AGBL4: variants seen among roughly 807,000 people sequenced by gnomAD.
AGBL4 encodes cytosolic carboxypeptidase 6.
AGBL4 carries 58 observed loss-of-function variants against 66.4 expected under a neutral mutation model. The observed-to-expected ratio is 0.87, with a 90% CI of 0.71 to 1.09. The LOEUF is 1.09. AGBL4 is among the 50% of genes least tolerant of loss of function. The pLI is 0.00. For missense variants in AGBL4, 579 were observed against 631.0 expected (o/e 0.92, Z 0.88); for synonymous variants, 234 against 222.9 (o/e 1.05, Z -0.44).
intron 2 of AGBL4, among the ~76,000 whole-genome samples, chr1:49,829,785 C>G (rs1380253419): frequency 6.6e-6 from 1 of 152,116 alleles, no homozygotes; most frequent in African/African-American, 2.4e-5. Flanking sequence ...ACCCCCTCAA[C>G]AGGCCCTGGT....
chr1:49,391,165 A>G (rs1644838061), intron 3 of AGBL4, among the ~76,000 whole-genome samples: 1 of 152,182 alleles, frequency 6.6e-6, no homozygotes, highest in Non-Finnish European at 1.5e-5. Flanking sequence ...GTAGCATACA[A>G]TCAGCGTGAG....
chr1:49,941,874 T>A (rs1044697345), intron 1 of AGBL4, among the ~76,000 whole-genome samples: 1 of 152,026 alleles, frequency 6.6e-6, no homozygotes, highest in Non-Finnish European at 1.5e-5. Flanking sequence ...GTACTGACAG[T>A]ACAAGCCAGA....
At chr1:49,601,215 A>G (rs1644952331) in intron 3 of AGBL4, among the ~76,000 whole-genome samples, 1 of 152,144 alleles carries the variant, frequency 6.6e-6, no homozygotes. Flanking sequence ...AATATCTTTA[A>G]GAGTATTTTC....
chr1:48,716,593 T>C (rs1647054472), intron 6 of AGBL4, among the ~76,000 whole-genome samples: 1 of 152,148 alleles, frequency 6.6e-6, no homozygotes, highest in Non-Finnish European at 1.5e-5. Flanking sequence ...ATCGTGCCCA[T>C]GGGGCTGAAG....
chr1:50,001,847 T>C (rs1425331512), intron 1 of AGBL4, among the ~76,000 whole-genome samples: 3 of 152,208 alleles, frequency 2.0e-5, no homozygotes, highest in Non-Finnish European at 4.4e-5. Context: ...TCTAATTCTT[T>C]ATTATCTTCA....
chr1:49,620,872 T>TC (rs1248838425), intron 3 of AGBL4, among the ~76,000 whole-genome samples: 2 of 152,156 alleles, frequency 1.3e-5, no homozygotes, highest in Non-Finnish European at 2.9e-5. Context: ...CCTTTTTTTT[T>TC]TCAAAATTAC....
In AGBL4 at chr1:49,010,843, C is replaced by G. The variant is rs922650669; in HGVS notation, c.594+34741G>C. On this transcript the variant is annotated intron_variant, in intron 5 of 13. Transcript: ENST00000371839. ...GCTAGCCATATGTAGAAAGCTGAAA[C>G]TGGATCCCTTCCTTACACCTTATAC... Among the ~76,000 whole-genome samples, 14 of 151,562 alleles carry G rather than the reference C, an allele frequency of 9.2e-5. No individual in the cohort carries two copies. In the East Asian group the frequency reaches 2.7e-3, roughly 29 times the overall value.
chr1:48,555,724 C>T (rs1476954786), intron 11 of AGBL4, among the ~76,000 whole-genome samples: 2 of 152,128 alleles, frequency 1.3e-5, no homozygotes, highest in Admixed American at 6.5e-5. Context: ...ACCCAGACTG[C>T]AGACAGGAAG....
intron 3 of AGBL4, among the ~76,000 whole-genome samples, chr1:49,541,199 G>A (rs752377254): frequency 1.7e-4 from 26 of 152,122 alleles, no homozygotes; most frequent in Non-Finnish European, 2.4e-4. Flanking sequence ...ACTCACTCTC[G>A]GCACCTCCTC....
chr1:49,466,262 A>C (rs1646628958), intron 3 of AGBL4, among the ~76,000 whole-genome samples: 1 of 151,928 alleles, frequency 6.6e-6, no homozygotes, highest in African/African-American at 2.4e-5. Flanking sequence ...TTCCCCAAAA[A>C]TAAGCTACTA....
chr1:49,462,814 C>T (rs1039062790), intron 3 of AGBL4, among the ~76,000 whole-genome samples: 1 of 151,586 alleles, frequency 6.6e-6, no homozygotes, highest in Admixed American at 6.6e-5. Context: ...AATTTTTGTG[C>T]TGCTTTTCAT....
chr1:49,926,067 G>A (rs748704713), intron 1 of AGBL4, among the ~76,000 whole-genome samples: 4 of 152,146 alleles, frequency 2.6e-5, no homozygotes, highest in Non-Finnish European at 4.4e-5. Flanking sequence ...AGTTGACCTC[G>A]AGCAAGACTC....
At chr1:48,704,741 T>A (rs1049192074) in intron 6 of AGBL4, among the ~76,000 whole-genome samples, 2 of 152,198 alleles carry the variant, frequency 1.3e-5, no homozygotes. Context: ...ATGATAACAA[T>A]GCCTTCTGGA....
chr1:50,021,372 A>G (rs773436291), intron 1 of AGBL4, among the ~76,000 whole-genome samples: 1 of 152,118 alleles, frequency 6.6e-6, no homozygotes, highest in South Asian at 2.1e-4. Context: ...GCCAGTTTAC[A>G]CTTTTCTTGT....
At chr1:48,988,318 AG>A (rs959685590) in intron 5 of AGBL4, among the ~76,000 whole-genome samples, 1 of 152,064 alleles carries the variant, frequency 6.6e-6, no homozygotes, top group African/African-American at 2.4e-5. Context: ...TTCACTGAAT[AG>A]GGGGGGCTTC....
intron 3 of AGBL4, among the ~76,000 whole-genome samples, chr1:49,611,761 A>G (rs1396002838): frequency 6.6e-6 from 1 of 152,190 alleles, no homozygotes; most frequent in Non-Finnish European, 1.5e-5. Context: ...CTGAAGGTCA[A>G]TGAATCTGAA....
chr1:49,016,561 A>C (rs1054458723), intron 5 of AGBL4, among the ~76,000 whole-genome samples: 28 of 152,192 alleles, frequency 1.8e-4, no homozygotes, highest in Admixed American at 5.2e-4. Context: ...CACTCATGTT[A>C]AAGACACAAG....
intron 6 of AGBL4, among the ~76,000 whole-genome samples, chr1:48,725,505 T>A (rs1647221526): frequency 6.6e-6 from 1 of 152,210 alleles, no homozygotes; most frequent in Admixed American, 6.5e-5. Flanking sequence ...TGGCCTGAAT[T>A]AATAAGATTG....
At chr1:49,944,028 C>G (rs1262833021) in intron 1 of AGBL4, among the ~76,000 whole-genome samples, 7 of 152,128 alleles carry the variant, frequency 4.6e-5, no homozygotes, top group African/African-American at 1.7e-4. Context: ...CCCCATCCCC[C>G]ACAGCAGCAA....
Sources: allele counts gnomAD v4.1 joint callset (sites outside exome capture counted in the v4.1 genomes callset), GRCh38; gene constraint gnomAD v4.1.1; transcripts MANE v1.5; gene names NCBI Gene and HGNC (gene_info 2026-07-23, HGNC 2026-07-21).